Variants in TCHP observed in about 807,000 individuals in gnomAD.
TCHP encodes the protein trichoplein keratin filament-binding protein.
Under a neutral mutation model 88.7 loss-of-function variants are expected in TCHP, and 81 were observed. The ratio of observed to expected loss-of-function variants is 0.91; its 90% CI spans 0.76 to 1.10. The LOEUF (loss-of-function observed/expected upper bound fraction) is 1.10. TCHP is among the 50% of genes least tolerant of loss of function. The probability of loss-of-function intolerance (pLI) is 0.00; values close to 1 mark genes in which losing one functional copy is unlikely to be tolerated. For synonymous variants in TCHP, 232 were observed against 232.5 expected, an observed-to-expected ratio of 1.00 and a Z score of 0.02; for missense variants, 641 against 632.1, an observed-to-expected ratio of 1.01 and a Z score of -0.15.
chr12:109,907,445 C>A, intron 5 of TCHP, 81 bp from the exon 6 acceptor site: 1 of 1,455,738 alleles, frequency 6.9e-7, no homozygotes, highest in Non-Finnish European at 9.4e-7. Context: ...GGCCCTGTGG[C>A]CTGCAGAACG....
the TCHP span, among the ~76,000 whole-genome samples, chr12:109,890,614 A>T: frequency 2.7e-4 from 40 of 150,822 alleles, no homozygotes; most frequent in Admixed American, 1.9e-3. Context: ...GGTTCGAGCG[A>T]TTCTCCCACC....
rs962331547 is a variant in TCHP at position 109,905,775 on chromosome 12, C to T, written c.457-797C>T. Reference sequence around the variant, plus strand: ...GAGGACTCCTTAGCCCTGTTGGCTTCGGTGGAATCATCCAGAGCCGTTAAA... The same window carrying T: ...GAGGACTCCTTAGCCCTGTTGGCTTTGGTGGAATCATCCAGAGCCGTTAAA... On this transcript the variant is annotated intron_variant, in intron 4 of 12. Coordinates refer to ENST00000405876, the MANE Select transcript of TCHP (RefSeq NM_001143852.2). This position sits in a 1 kb window ranked among gnomAD's most constrained non-coding sequence, Gnocchi z 4.0. Among the ~76,000 whole-genome samples the T allele has an allele frequency of 1.3e-5, 2 of 152,184 alleles. No individual in the cohort carries two copies. Among genetic ancestry groups the T allele is most frequent in the African/African-American group, 2.4e-5 (1 of 41,442 alleles).
the TCHP span, among the ~76,000 whole-genome samples, chr12:109,889,240 G>A: frequency 2.0e-5 from 3 of 152,182 alleles, no homozygotes; most frequent in Admixed American, 6.5e-5. Context: ...TTGGGAGGCC[G>A]AGGCAGGCAG....
chr12:109,916,274 G>A (rs1592916553), intron 12 of TCHP, among the ~76,000 whole-genome samples: 1 of 152,324 alleles, frequency 6.6e-6, no homozygotes, highest in Middle Eastern at 3.4e-3. Context: ...TGCTGCGTTT[G>A]CCATAGGCCA....
At position 109,903,186 on chromosome 12, in the gene TCHP, T is replaced by C; in HGVS notation, c.160T>C (p.Trp54Arg). 6.2e-7 allele frequency: 1 copy of C among 1,613,556 alleles called. No homozygotes were observed. Residue 54 changes from tryptophan (W) to arginine (R), a missense_variant, in exon 2 of 13, where the codon TGG becomes CGG. Coordinates refer to ENST00000405876, the MANE Select transcript of TCHP (RefSeq NM_001143852.2). The surrounding 1 kb of genome is among the most constrained non-coding windows in gnomAD (Gnocchi z 4.6). Reference sequence around the variant, plus strand: ...CATCTGCAGCTCCAAACAGGCAGAATGGAGCTCTAAAACCTCCTACCAGCG... The same window carrying C: ...CATCTGCAGCTCCAAACAGGCAGAACGGAGCTCTAAAACCTCCTACCAGCG... ...SDICSSKQAE[W>R]SSKTSYQRSM...
chr12:109,884,219 C>A, the TCHP span, among the ~76,000 whole-genome samples: 2 of 151,800 alleles, frequency 1.3e-5, no homozygotes, highest in Non-Finnish European at 2.9e-5. Context: ...GAAGGAGTCT[C>A]ACTCTGTCAC....
Position 109,904,001 on chromosome 12 carries a change from G to T in TCHP, c.253G>T (p.Glu85Ter). The T allele has an allele frequency of 6.2e-7, 1 of 1,611,320 alleles. No individual in the cohort carries two copies. Among genetic ancestry groups the T allele is most frequent in the Non-Finnish European group, 8.5e-7 (1 of 1,178,830 alleles). ...GAGGAGGAGTCTGGAGGCCCGACGG[G>T]AAAAGCTCAGGCAGCTCATGCAGGA... is the stretch of plus-strand genomic sequence containing the variant. The part of the protein sequence containing the change: ...EKRRSLEARR[E>*]KLRQLMQEEQ... Residue 85 changes from glutamate to a stop codon, truncating the protein, a stop_gained, in exon 3 of 13, where the codon GAA becomes TAA. Transcript: ENST00000405876. LOFTEE classifies it high-confidence loss of function.
intron 9 of TCHP, among the ~76,000 whole-genome samples, chr12:109,912,293 G>A (rs1870547158): frequency 6.6e-6 from 1 of 152,168 alleles, no homozygotes; most frequent in African/African-American, 2.4e-5. Context: ...GTGGTGGCTT[G>A]TGAGACCCGG....
At chr12:109,912,905 T>C (rs1565913148) in intron 9 of TCHP, 86 bp from the exon 10 acceptor site, 2 of 1,059,530 alleles carry the variant, frequency 1.9e-6, no homozygotes, top group Admixed American at 1.8e-5. Flanking sequence ...GCAGAAGCCA[T>C]GTGCCCTGCA....
intron 8 of TCHP, 35 bp from the exon 9 acceptor site, chr12:109,911,028 C>T (rs746819495): frequency 3.3e-6 from 5 of 1,505,148 alleles, no homozygotes; most frequent in Non-Finnish European, 4.4e-6. Context: ...GGACTCTGTC[C>T]AGCCCAGCCA....
In TCHP at chr12:109,907,651, C is replaced by T. The variant is rs150684855; in HGVS notation, c.651C>T (p.Ala217=). 38 of 1,613,246 alleles carry T rather than the reference C, an allele frequency of 2.4e-5. No individual in the cohort carries two copies. The highest frequency in any genetic ancestry group is 8.0e-5 in the African/African-American group (6 of 74,894). ...ERRQLEDKLQ[A]EALLQQMEEL... ...GGCAGCTGGAGGACAAGCTCCAGGC[C>T]GAGGCACTGCTGCAACAGATGGAGG... The change falls in exon 6 of 13, where the codon GCC becomes GCT. Residue 217 remains alanine, a synonymous_variant. Coordinates refer to ENST00000405876, the MANE Select transcript of TCHP (RefSeq NM_001143852.2).
upstream of TCHP, among the ~76,000 whole-genome samples, chr12:109,896,449 G>A (rs1869559284): frequency 6.6e-6 from 1 of 152,210 alleles, no homozygotes; most frequent in South Asian, 2.1e-4. Flanking sequence ...CTCCCAGGTT[G>A]GAGGGAGGCT....
rs145032664 is a variant in TCHP, at chr12:109,914,599, C to A, written c.1292C>A (p.Ser431Ter). 5 of 1,612,342 alleles carry A rather than the reference C, an allele frequency of 3.1e-6. No individual in the cohort carries two copies. The Admixed American group carries it at 5.0e-5, about 16-fold the overall frequency. The change falls in exon 11 of 13, where the codon TCG (serine) becomes TAG (stop). Residue 431 changes from serine to a stop codon, truncating the protein, a stop_gained. Coordinates refer to ENST00000405876, the MANE Select transcript of TCHP (RefSeq NM_001143852.2). LOFTEE classifies it high-confidence loss of function. ...AAAGAGGAGAGTGAAAAGCTGAAAT[C>A]GGCCAGGAAGCAGGAGCTGGAAGCC... ...REKEESEKLK[S>*]ARKQELEAQV...
Position 109,903,267 on chromosome 12 carries a change from A to G in TCHP, c.188+53A>G, listed in dbSNP as rs1440319929. The G allele has an allele frequency of 1.3e-6, 2 of 1,544,386 alleles. No homozygotes were observed. Among genetic ancestry groups the G allele is most frequent in the Non-Finnish European group, 1.8e-6 (2 of 1,126,774 alleles). ...TGGAAGTGGGGACCACTTGCTGGTC[A>G]GGGGATGAGGCCTTAAGGATTTAGG... On this transcript the variant is annotated intron_variant, in intron 2 of 12. Coordinates refer to ENST00000405876, the MANE Select transcript of TCHP (RefSeq NM_001143852.2). This position sits in a 1 kb window ranked among gnomAD's most constrained non-coding sequence, Gnocchi z 4.6.
At chr12:109,886,896 A>G in the TCHP span, among the ~76,000 whole-genome samples, 10 of 151,598 alleles carry the variant, frequency 6.6e-5, no homozygotes, top group African/African-American at 2.4e-4. Context: ...TTTAGTAGAG[A>G]TGGGGTTTCA....
At chr12:109,892,869 A>T in the TCHP span, among the ~76,000 whole-genome samples, 1 of 152,230 alleles carries the variant, frequency 6.6e-6, no homozygotes. Context: ...AAGGTTCAGT[A>T]ACTGGTAAGC....
the TCHP span, among the ~76,000 whole-genome samples, chr12:109,884,241 T>C: frequency 1.8e-4 from 27 of 151,850 alleles, no homozygotes; most frequent in Non-Finnish European, 3.8e-4. Context: ...CAGGCTGGAG[T>C]GCAGTGGTGC....
the TCHP span, among the ~76,000 whole-genome samples, chr12:109,885,456 T>C: frequency 6.6e-6 from 1 of 150,996 alleles, no homozygotes; most frequent in Non-Finnish European, 1.5e-5. Context: ...TTTTTATTTG[T>C]CCTATTATTG....
intron 10 of TCHP, chr12:109,914,224 G>A: frequency 2.4e-6 from 1 of 424,128 alleles, no homozygotes; most frequent in Non-Finnish European, 4.3e-6. Context: ...TACATTTTGT[G>A]TGTCTTGGGT....
Sources: allele counts gnomAD v4.1 joint callset (sites outside exome capture counted in the v4.1 genomes callset), GRCh38; gene constraint gnomAD v4.1.1; non-coding constraint Gnocchi (gnomAD v3.1); transcripts MANE v1.5; gene names NCBI Gene and HGNC (gene_info 2026-07-23, HGNC 2026-07-21).